Variants in ANKRD55 observed in about 807,000 individuals in gnomAD.
ANKRD55 encodes the protein ankyrin repeat domain 55.
ANKRD55 carries 41 observed loss-of-function variants against 60.6 expected under a neutral mutation model. That is an observed-to-expected ratio of 0.68 (90% CI 0.53 to 0.88). ANKRD55 has a LOEUF of 0.88. Ranked by LOEUF, ANKRD55 falls within the 40% of genes least tolerant of loss-of-function variation. The pLI is 0.00. For synonymous variants in ANKRD55, 264 were observed against 290.3 expected (o/e 0.91, Z 0.92); for missense variants, 732 against 767.6 (o/e 0.95, Z 0.55).
intron 2 of ANKRD55, among the ~76,000 whole-genome samples, chr5:56,201,158 C>T (rs1394437632): frequency 1.3e-5 from 2 of 152,200 alleles, no homozygotes; most frequent in Non-Finnish European, 2.9e-5. Flanking sequence ...TTCCCTCTCT[C>T]CCCCTGCGGG....
At chr5:56,107,925 A>G (rs548537350) in intron 10 of ANKRD55, among the ~76,000 whole-genome samples, 1 of 151,162 alleles carries the variant, frequency 6.6e-6, no homozygotes, top group South Asian at 2.1e-4. Context: ...TCTGGGGTGC[A>G]GTGGTGCGAT....
intron 2 of ANKRD55, among the ~76,000 whole-genome samples, chr5:56,219,666 A>G (rs1759914087): frequency 6.6e-6 from 1 of 152,146 alleles, no homozygotes; most frequent in Non-Finnish European, 1.5e-5. Flanking sequence ...ACAGAGATTT[A>G]CAAGTGCATT....
chr5:56,166,915 G>T (rs1484716121), intron 5 of ANKRD55, among the ~76,000 whole-genome samples: 1 of 152,146 alleles, frequency 6.6e-6, no homozygotes, highest in Admixed American at 6.5e-5. Flanking sequence ...TTCTTATAAG[G>T]CTTCTCAACG....
rs1166817839 is a variant in ANKRD55, at chr5:56,158,009, C to T, written c.483+1824G>A. Among the ~76,000 whole-genome samples the T allele has an allele frequency of 2.6e-5, 4 of 152,080 alleles. No individual in the cohort carries two copies. In the East Asian group the frequency reaches 5.8e-4, roughly 22 times the overall value. ...CAGCCTGCTCAACATGGTGAAACCC[C>T]GTCTCTACTAAAAATACAAAAATTA... On this transcript the variant is annotated intron_variant, in intron 6 of 11. Coordinates refer to ENST00000341048, the MANE Select transcript of ANKRD55 (RefSeq NM_024669.3).
At position 56,216,233 on chromosome 5, in the gene ANKRD55, G is replaced by T. The variant is rs191925424; in HGVS notation, c.58+16623C>A. On this transcript the variant is annotated intron_variant, in intron 2 of 11. Coordinates refer to ENST00000341048, the MANE Select transcript of ANKRD55 (RefSeq NM_024669.3). ...TGATGTTACTATTGTAATTGTTTTGGGTCCCATGGACCGCATCCACAGAAG... is the reference window on the plus strand; with the variant it reads ...TGATGTTACTATTGTAATTGTTTTGTGTCCCATGGACCGCATCCACAGAAG... Among the ~76,000 whole-genome samples the T allele has an allele frequency of 2.2e-3, 341 of 151,594 alleles. 3 individuals are homozygous for T. The highest frequency in any genetic ancestry group is 0.021 in the Middle Eastern group (6 of 292).
intron 2 of ANKRD55, among the ~76,000 whole-genome samples, chr5:56,192,322 GAAGA>G (rs1759115336): frequency 6.6e-6 from 1 of 152,240 alleles, no homozygotes; most frequent in South Asian, 2.1e-4. Flanking sequence ...GAAGAAATAG[GAAGA>G]AAGAAGCATG....
In ANKRD55 at chr5:56,132,424, C is replaced by CAAAAAAAAAAAAAAAAAAAAA. The variant is rs34289990; in HGVS notation, c.613-5319_613-5318insTTTTTTTTTTTTTTTTTTTTT. Among the ~76,000 whole-genome samples, 104 of 120,296 alleles carry CAAAAAAAAAAAAAAAAAAAAA rather than the reference C, an allele frequency of 8.6e-4. 1 individual carries two copies. Among genetic ancestry groups the CAAAAAAAAAAAAAAAAAAAAA allele is most frequent in the African/African-American group, 3.7e-3 (101 of 27,466 alleles). 78.9% of individuals were successfully genotyped at this position (120,296 alleles called of 152,430 possible). On this transcript the variant is annotated intron_variant, in intron 7 of 11. Coordinates refer to ENST00000341048, the MANE Select transcript of ANKRD55 (RefSeq NM_024669.3). ...TGAAACCCTGTCTCTACTTAAAATACAAAAAAAAAAAAAAAAATTAGCTGG... is the reference window on the plus strand; with the variant it reads ...TGAAACCCTGTCTCTACTTAAAATACAAAAAAAAAAAAAAAAAAAAAAAAAAAAAAAAAAAAAATTAGCTGG...
chr5:56,160,088 T>C (rs142547683), intron 5 of ANKRD55, among the ~76,000 whole-genome samples, 195 bp from the exon 6 acceptor site: 158 of 152,290 alleles, frequency 1.0e-3, no homozygotes, highest in Non-Finnish European at 1.8e-3. Flanking sequence ...GACACCTGTG[T>C]GGAGGGCTAC....
chr5:56,160,061 AGT>A (rs1335873577), intron 5 of ANKRD55, among the ~76,000 whole-genome samples, 168 bp from the exon 6 acceptor site: 1 of 152,080 alleles, frequency 6.6e-6, no homozygotes, highest in Non-Finnish European at 1.5e-5. Context: ...AAGAAGCAAG[AGT>A]GTGATAGGTT....
intron 8 of ANKRD55, among the ~76,000 whole-genome samples, chr5:56,123,796 C>T (rs531958134): frequency 2.0e-5 from 3 of 152,252 alleles, no homozygotes; most frequent in Non-Finnish European, 2.9e-5. Flanking sequence ...TAGATAATCT[C>T]TAATATACTC....
In ANKRD55 at chr5:56,230,448, A is replaced by T. The variant is rs532640101; in HGVS notation, c.58+2408T>A. 3.9e-5 allele frequency among the ~76,000 whole-genome samples: 6 copies of T among 152,306 alleles called. No homozygotes were observed. The East Asian group carries it at 1.2e-3, about 29-fold the overall frequency. On this transcript the variant is annotated intron_variant, in intron 2 of 11. Coordinates refer to ENST00000341048, the MANE Select transcript of ANKRD55 (RefSeq NM_024669.3). ...ACCAACAGGTTACTTGATTGCTAAG[A>T]TTCTTCCAGCTGCAATGTCTTCTGT...
Position 56,099,944 on chromosome 5 carries a change from T to C in ANKRD55, c.*239A>G. 1 of 469,958 alleles carries C rather than the reference T, an allele frequency of 2.1e-6. No homozygotes were observed. The highest frequency in any genetic ancestry group is 3.8e-6 in the Non-Finnish European group (1 of 264,970). The allele number at this position is 469,958 out of a possible 1,614,324, so 29.1% of individuals were successfully genotyped here. A position where few individuals can be genotyped will look rare whatever the true frequency, so the allele number is the denominator to read the frequency against. On this transcript the variant is annotated 3_prime_UTR_variant, in exon 12 of 12. Transcript: ENST00000341048. ...TTCCTACTGATAACATATTTTGTCT[T>C]TTAATTTTGGCATGTGGAAGTCACA...
intron 4 of ANKRD55, among the ~76,000 whole-genome samples, chr5:56,171,162 C>A (rs1326729708): frequency 6.6e-6 from 1 of 152,158 alleles, no homozygotes; most frequent in Non-Finnish European, 1.5e-5. Flanking sequence ...CTAGTAACCA[C>A]AAGGACAGCA....
At chr5:56,231,624 C>T (rs1346330968) in intron 2 of ANKRD55, among the ~76,000 whole-genome samples, 3 of 151,424 alleles carry the variant, frequency 2.0e-5, no homozygotes, top group Non-Finnish European at 4.4e-5. Flanking sequence ...GATCCAAACA[C>T]GGTATGAGCC....
chr5:56,135,290 G>GCCTGCCTT (rs1554038504), intron 7 of ANKRD55, among the ~76,000 whole-genome samples: 4 of 69,330 alleles, frequency 5.8e-5, no homozygotes, highest in East Asian at 4.3e-4. Context: ...CTGCCTGCCT[G>GCCTGCCTT]CTTGCTTTCT....
chr5:56,189,910 A>G (rs1353974104), intron 2 of ANKRD55, among the ~76,000 whole-genome samples: 2 of 152,194 alleles, frequency 1.3e-5, no homozygotes, highest in Admixed American at 1.3e-4. Flanking sequence ...CTGTCTTCCA[A>G]ACGGCTGCAC....
At chr5:56,192,491 G>GC in intron 2 of ANKRD55, 1 of 247,950 alleles carries the variant, frequency 4.0e-6, no homozygotes. Context: ...CGCCCTCTCT[G>GC]CCCCCCAGGA....
At chr5:56,155,859 A>AAC (rs1170872868) in intron 6 of ANKRD55, among the ~76,000 whole-genome samples, 4 of 152,094 alleles carry the variant, frequency 2.6e-5, no homozygotes, top group African/African-American at 9.6e-5. Context: ...CAAAAAAAAA[A>AAC]AAAAAACCAA....
At position 56,180,302 on chromosome 5, in the gene ANKRD55, C is replaced by T. The variant is rs142061485; in HGVS notation, c.181+3210G>A. Among the ~76,000 whole-genome samples, 1,019 of 152,348 alleles carry T rather than the reference C, an allele frequency of 6.7e-3. 9 individuals carry two copies. Among genetic ancestry groups the T allele is most frequent in the African/African-American group, 0.023 (963 of 41,578 alleles). The stretch of plus-strand genomic sequence containing the variant: ...CCAACACATGAAATTTGAGGGAACA[C>T]ATTCGAACTATAGCATGTAGCTTGA... On this transcript the variant is annotated intron_variant, in intron 3 of 11. Coordinates refer to ENST00000341048, the MANE Select transcript of ANKRD55 (RefSeq NM_024669.3).
Sources: allele counts gnomAD v4.1 joint callset (sites outside exome capture counted in the v4.1 genomes callset), GRCh38; gene constraint gnomAD v4.1.1; transcripts MANE v1.5; gene names NCBI Gene and HGNC (gene_info 2026-07-23, HGNC 2026-07-21).